The following NRP2 variants were observed in gnomAD, a reference collection of about 807,000 sequenced individuals.
NRP2 encodes neuropilin-2.
NRP2 carries 52 observed loss-of-function variants against 110.4 expected under a neutral mutation model. That is an observed-to-expected ratio of 0.47 (90% CI 0.38 to 0.59). NRP2 has a LOEUF of 0.59. Among genes scored for constraint, NRP2 ranks in the 20% least tolerant of loss-of-function variants. NRP2 has a pLI of 0.00. For synonymous variants in NRP2, 508 were observed against 468.9 expected (o/e 1.08, Z -1.08); for missense variants, 1,049 against 1,203.0 (o/e 0.87, Z 1.89).
intron 14 of NRP2, among the ~76,000 whole-genome samples, chr2:205,766,053 A>G (rs1238247309): frequency 6.6e-6 from 1 of 152,198 alleles, no homozygotes; most frequent in Non-Finnish European, 1.5e-5. Context: ...ATTTGAAGTA[A>G]GATTTCAGAT....
chr2:205,692,533 C>T (rs1184055828), intron 1 of NRP2, among the ~76,000 whole-genome samples: 1 of 152,172 alleles, frequency 6.6e-6, no homozygotes, highest in East Asian at 1.9e-4. Flanking sequence ...TTTTTCTTTT[C>T]ATGCATCACT....
intron 7 of NRP2, among the ~76,000 whole-genome samples, chr2:205,728,734 G>GCCACT (rs2057178664): frequency 6.6e-6 from 1 of 152,218 alleles, no homozygotes; most frequent in Admixed American, 6.5e-5. Context: ...TGGCACAGGC[G>GCCACT]ATGTGCTGGC....
chr2:205,793,506 G>T (rs147821838), intron 16 of NRP2, among the ~76,000 whole-genome samples: 1 of 152,308 alleles, frequency 6.6e-6, no homozygotes, highest in African/African-American at 2.4e-5. Flanking sequence ...CTGACTGGGT[G>T]GCTTACAACA....
intron 7 of NRP2, among the ~76,000 whole-genome samples, chr2:205,734,453 G>A (rs2057306299): frequency 8.3e-6 from 1 of 120,292 alleles, no homozygotes; most frequent in South Asian, 2.8e-4. Context: ...ACTGTTTTGT[G>A]CAACAAATTA....
rs140165359 is a variant in NRP2, at chr2:205,695,876, T to C, written c.74-1668T>C. 1.8e-3 allele frequency among the ~76,000 whole-genome samples: 273 copies of C among 152,022 alleles called. 3 individuals are homozygous for C. The highest frequency in any genetic ancestry group is 6.3e-3 in the African/African-American group (263 of 41,488). On this transcript the variant is annotated intron_variant, in intron 1 of 16. Transcript: ENST00000357785. ...GGGCACCTGGAAAGCCTATGGGTAT[T>C]GGCTGCAGAGGAGCTGGGCCTCATG... is the stretch of plus-strand genomic sequence containing the variant.
At chr2:205,726,387 G>A (rs1311505835) in intron 6 of NRP2, among the ~76,000 whole-genome samples, 2 of 152,130 alleles carry the variant, frequency 1.3e-5, no homozygotes, top group African/African-American at 4.8e-5. Context: ...TAAGCTGTTT[G>A]GATCTTCCTC....
chr2:205,686,846 C>G lies in NRP2; in HGVS notation c.73+3483C>G, dbSNP rs13422191. 0.043 allele frequency among the ~76,000 whole-genome samples: 6,528 copies of G among 152,268 alleles called. 323 individuals carry two copies. Among genetic ancestry groups the G allele is most frequent in the African/African-American group, 0.11 (4,710 of 41,518 alleles). On this transcript the variant is annotated intron_variant, in intron 1 of 16. Coordinates refer to ENST00000357785, the MANE Select transcript of NRP2 (RefSeq NM_003872.3). The surrounding 1 kb of genome is among the most constrained non-coding windows in gnomAD (Gnocchi z 4.7). ...CACTTCCTGTTCTTTCGGTTTCAGA[C>G]AGAGAGGAGAGCCCCCTGGCGCTAG...
At chr2:205,781,861 G>A (rs2058178011) in intron 15 of NRP2, among the ~76,000 whole-genome samples, 1 of 152,164 alleles carries the variant, frequency 6.6e-6, no homozygotes, top group Non-Finnish European at 1.5e-5. Flanking sequence ...GCTAGGAATA[G>A]TGTAGGATTT....
intron 3 of NRP2, among the ~76,000 whole-genome samples, chr2:205,720,576 G>A (rs1195909341): frequency 6.6e-6 from 1 of 152,304 alleles, no homozygotes. Context: ...AGCAAGAAGT[G>A]AATAGAGAGT....
At chr2:205,690,765 GT>G (rs1173979101) in intron 1 of NRP2, among the ~76,000 whole-genome samples, 1 of 152,070 alleles carries the variant, frequency 6.6e-6, no homozygotes, top group Non-Finnish European at 1.5e-5. Context: ...GGGTGACAGA[GT>G]GAGACTCTGT....
At chr2:205,707,841 G>C (rs1179616017) in intron 2 of NRP2, among the ~76,000 whole-genome samples, 3 of 152,090 alleles carry the variant, frequency 2.0e-5, no homozygotes, top group African/African-American at 7.2e-5. Context: ...CCGAGTAAAG[G>C]GGCACTGCCA....
At chr2:205,701,093 T>C (rs2056545490) in intron 2 of NRP2, 1 of 165,196 alleles carries the variant, frequency 6.1e-6, no homozygotes, top group Admixed American at 6.4e-5. Flanking sequence ...ATACACAAAG[T>C]TGAGTGGTTT....
intron 6 of NRP2, 143 bp downstream of exon 6, chr2:205,726,225 A>G (rs2057125722): frequency 1.1e-6 from 1 of 890,822 alleles, no homozygotes; most frequent in Non-Finnish European, 1.8e-6. Flanking sequence ...TCATCCAAAC[A>G]GATGTGTATG....
At chr2:205,737,492 T>C (rs138227443) in intron 7 of NRP2, among the ~76,000 whole-genome samples, 15 of 152,352 alleles carry the variant, frequency 9.8e-5, no homozygotes, top group South Asian at 4.1e-4. Flanking sequence ...GCACAGCTCC[T>C]GGCTTCTGAT....
chr2:205,698,651 C>T lies in NRP2; in HGVS notation c.251+930C>T, dbSNP rs556347387. ...GATGTGCTTTAAGCTGTCTACTGAG[C>T]TCCATCTTAAAGTCTTTTCTCATTG... is the stretch of plus-strand genomic sequence containing the variant. On this transcript the variant is annotated intron_variant, in intron 2 of 16. Coordinates refer to ENST00000357785, the MANE Select transcript of NRP2 (RefSeq NM_003872.3). 4.1e-4 allele frequency among the ~76,000 whole-genome samples: 63 copies of T among 152,304 alleles called. 1 individual carries two copies. The highest frequency in any genetic ancestry group is 1.4e-3 in the African/African-American group (60 of 41,556).
intron 11 of NRP2, among the ~76,000 whole-genome samples, chr2:205,751,714 T>TACCTCACC: frequency 6.6e-6 from 1 of 152,162 alleles, no homozygotes; most frequent in East Asian, 1.9e-4. Flanking sequence ...AGTAATTTGT[T>TACCTCACC]TCTACCAGTC....
intron 7 of NRP2, among the ~76,000 whole-genome samples, chr2:205,738,882 CCT>C (rs1349683295): frequency 6.6e-6 from 1 of 152,132 alleles, no homozygotes; most frequent in African/African-American, 2.4e-5. Context: ...AATCTGCTTC[CCT>C]GTTTGTCTTC....
In NRP2 at chr2:205,725,660, A is replaced by G. The variant is rs2057112607; in HGVS notation, c.821-253A>G. Among the ~76,000 whole-genome samples, 1 of 152,112 alleles carries G rather than the reference A, an allele frequency of 6.6e-6. No homozygotes were observed. Among genetic ancestry groups the G allele is most frequent in the Admixed American group, 6.6e-5 (1 of 15,266 alleles). On this transcript the variant is annotated intron_variant, in intron 5 of 16. Coordinates refer to ENST00000357785, the MANE Select transcript of NRP2 (RefSeq NM_003872.3). This position sits in a 1 kb window ranked among gnomAD's most constrained non-coding sequence, Gnocchi z 4.1. ...TCTTGTGCTTTAGATTGTATTTTTA[A>G]TCTGTATGATGATTCTCTTATTTAT...
At chr2:205,731,139 G>A (rs1026258160) in intron 7 of NRP2, among the ~76,000 whole-genome samples, 4 of 152,178 alleles carry the variant, frequency 2.6e-5, no homozygotes, top group African/African-American at 7.2e-5. Context: ...GGGTGGGCCC[G>A]CCTTATGTAT....
Sources: gnomAD v4.1 joint callset for allele counts (sites outside exome capture counted in the v4.1 genomes callset) on GRCh38, gnomAD v4.1.1 for gene constraint, Gnocchi (gnomAD v3.1) non-coding constraint, MANE v1.5 for transcripts, NCBI Gene and HGNC (gene_info 2026-07-23, HGNC 2026-07-21) for gene names.